Variants in TTYH1 observed in about 807,000 individuals in gnomAD.
TTYH1 encodes tweety family member 1, also known as protein tweety homolog 1.
TTYH1 carries 33 observed loss-of-function variants against 61.2 expected under a neutral mutation model. That is an observed-to-expected ratio of 0.54 (90% CI 0.41 to 0.72). The LOEUF is 0.72. TTYH1 is among the 30% of genes least tolerant of loss of function. The pLI, the probability that TTYH1 is intolerant of heterozygous loss-of-function variation, is 0.00. For missense variants in TTYH1, 538 were observed against 575.8 expected, an observed-to-expected ratio of 0.93 and a Z score of 0.67; for synonymous variants, 308 against 266.4, an observed-to-expected ratio of 1.16 and a Z score of -1.52.
At position 54,435,831 on chromosome 19, in the gene TTYH1, C is replaced by T. The variant is rs144036123; in HGVS notation, c.1272C>T (p.Asp424=). The T allele has an allele frequency of 8.7e-5, 141 of 1,613,928 alleles. No individual in the cohort carries two copies. The highest frequency in any genetic ancestry group is 1.9e-4 in the African/African-American group (14 of 74,902). The change falls in exon 12 of 14, where the codon GAC becomes GAT. Residue 424 remains aspartate, a synonymous_variant. Coordinates refer to ENST00000376530, the MANE Select transcript of TTYH1 (RefSeq NM_020659.4). ...PRAWALFPPS[D]DYDDTDDDDP... ...CATGCCCCGCATCAAACCCCAGTGA[C>T]GACTACGATGACACAGACGATGACG...
At chr19:54,435,974 G>T (rs1569270891) in intron 12 of TTYH1, 101 bp downstream of exon 12, 5 of 1,576,472 alleles carry the variant, frequency 3.2e-6, no homozygotes, top group Middle Eastern at 3.3e-4. Flanking sequence ...GTCTGAGGGA[G>T]GAGGGGCTGG....
chr19:54,435,239 G>T (rs902304305), intron 10 of TTYH1: 4 of 365,604 alleles, frequency 1.1e-5, no homozygotes, highest in African/African-American at 8.3e-5. Flanking sequence ...GTGGGGTGCT[G>T]ACTGGGGAGG....
chr19:54,435,780 G>A, intron 11 of TTYH1, 48 bp from the exon 12 acceptor site: 2 of 1,613,458 alleles, frequency 1.2e-6, no homozygotes, highest in South Asian at 1.1e-5. Context: ...GCAGCCTCCT[G>A]ATGGGTCCCC....
In TTYH1 at chr19:54,436,469, G is replaced by C; in HGVS notation, c.*179G>C. On this transcript the variant is annotated 3_prime_UTR_variant, in exon 14 of 14. Coordinates refer to ENST00000376530, the MANE Select transcript of TTYH1 (RefSeq NM_020659.4). The surrounding 1 kb of genome is among the most constrained non-coding windows in gnomAD (Gnocchi z 4.3). ...CACTGTGCTCCCATTTCTGTCCTTG[G>C]CCTTGGGAGTAGCTGAGGGGGCAGA... 1 of 1,412,192 alleles carries C rather than the reference G, an allele frequency of 7.1e-7. No homozygotes were observed. Among genetic ancestry groups the C allele is most frequent in the Non-Finnish European group, 1.0e-6 (1 of 1,001,894 alleles). The allele number at this position is 1,412,192 out of a possible 1,614,324, so 87.5% of individuals were successfully genotyped here. A position where few individuals can be genotyped will look rare whatever the true frequency, so the allele number is the denominator to read the frequency against.
chr19:54,429,261 C>T lies in TTYH1; in HGVS notation c.735-46C>T, dbSNP rs1396161534. The stretch of plus-strand genomic sequence containing the variant: ...ATTTGGGGTGTGGAAAGAGGCTAGG[C>T]TAGGAGATTAAGAACCCCGGGCTGA... On this transcript the variant is annotated intron_variant, in intron 5 of 13. Coordinates refer to ENST00000376530, the MANE Select transcript of TTYH1 (RefSeq NM_020659.4). The surrounding 1 kb of genome is among the most constrained non-coding windows in gnomAD (Gnocchi z 5.1). 1 of 1,573,988 alleles carries T rather than the reference C, an allele frequency of 6.4e-7. No homozygotes were observed. Among genetic ancestry groups the T allele is most frequent in the Non-Finnish European group, 8.7e-7 (1 of 1,143,742 alleles).
intron 5 of TTYH1, among the ~76,000 whole-genome samples, chr19:54,427,211 C>T (rs1341545193): frequency 4.5e-5 from 6 of 132,440 alleles, no homozygotes; most frequent in Non-Finnish European, 6.1e-5. Context: ...GCAGGAGAAT[C>T]GCTTGAACTC....
chr19:54,426,117 T>C (rs1251440295), intron 4 of TTYH1, among the ~76,000 whole-genome samples: 1 of 152,216 alleles, frequency 6.6e-6, no homozygotes, highest in South Asian at 2.1e-4. Flanking sequence ...CTTCTAGTCA[T>C]GCAGCCCACT....
chr19:54,426,872 G>A (rs541745938), intron 5 of TTYH1, 104 bp downstream of exon 5: 13 of 1,017,472 alleles, frequency 1.3e-5, no homozygotes, highest in African/African-American at 3.2e-5. Flanking sequence ...GGTCCTTCAC[G>A]GCCGGGTACA....
rs758061832 is a variant in TTYH1, at chr19:54,426,783, T to A, written c.734+15T>A. 6.2e-7 allele frequency: 1 copy of A among 1,610,942 alleles called. No homozygotes were observed. Among genetic ancestry groups the A allele is most frequent in the Non-Finnish European group, 8.5e-7 (1 of 1,178,398 alleles). ...CTGGTGATCGTGTAAGTGCAGGCAGTAGGGGGACCCAGTGCTTGCCTGGCA... is the reference window on the plus strand; with the variant it reads ...CTGGTGATCGTGTAAGTGCAGGCAGAAGGGGGACCCAGTGCTTGCCTGGCA... On this transcript the variant is annotated intron_variant, in intron 5 of 13. Coordinates refer to ENST00000376530, the MANE Select transcript of TTYH1 (RefSeq NM_020659.4).
intron 5 of TTYH1, among the ~76,000 whole-genome samples, chr19:54,427,172 C>G (rs1023762882): frequency 2.0e-5 from 3 of 151,544 alleles, no homozygotes; most frequent in African/African-American, 7.3e-5. Context: ...TGGCATGCGC[C>G]TGTAGTCCCA....
At chr19:54,430,513 G>A (rs2083414455) in intron 7 of TTYH1, 37 bp from the exon 8 acceptor site, 1 of 1,611,188 alleles carries the variant, frequency 6.2e-7, no homozygotes. Context: ...GGGGGCCCAG[G>A]CTCATGGCCT....
rs755227051 is a variant in TTYH1, at chr19:54,435,595, C to T, written c.1179C>T (p.Leu393=). ...GLCEDALEGL[L]FLLLFSLLSA... ...GCGAAGACGCCCTGGAAGGCCTGCT[C>T]TTCCTGCTACTCTTCTCCCTGCTGT... The change falls in exon 11 of 14, where the codon CTC becomes CTT. Residue 393 remains leucine (L), a synonymous_variant. Coordinates refer to ENST00000376530, the MANE Select transcript of TTYH1 (RefSeq NM_020659.4). 55 of 1,611,334 alleles carry T rather than the reference C, an allele frequency of 3.4e-5. No homozygotes were observed. Among genetic ancestry groups the T allele is most frequent in the Non-Finnish European group, 4.5e-5 (53 of 1,179,680 alleles).
chr19:54,416,193 G>C lies in TTYH1; in HGVS notation c.126+515G>C. The stretch of plus-strand genomic sequence containing the variant: ...CTGAAATGGGGAAGGGGGCTTCAGG[G>C]GCTGAGGACCAGGGCTGGAAAATGA... On this transcript the variant is annotated intron_variant, in intron 1 of 13. Coordinates refer to ENST00000376530, the MANE Select transcript of TTYH1 (RefSeq NM_020659.4). The surrounding 1 kb of genome is among the most constrained non-coding windows in gnomAD (Gnocchi z 7.0). 1 of 659,202 alleles carries C rather than the reference G, an allele frequency of 1.5e-6. No homozygotes were observed. The highest frequency in any genetic ancestry group is 1.6e-5 in the South Asian group (1 of 63,748). The allele number at this position is 659,202 out of a possible 1,614,324, so 40.8% of individuals were successfully genotyped here. A position where few individuals can be genotyped will look rare whatever the true frequency, so the allele number is the denominator to read the frequency against.
Position 54,435,656 on chromosome 19 carries a change from CCCCGAGCCTGG to C in TTYH1, c.1241_1251del (p.Pro414ArgfsTer7), listed in dbSNP as rs1569270351. ...GCTGGCCACTGCCCTCTGCAGCCTG[CCCCGAGCCTGG>C]GCCCTCTTCCCACCCAGGTCAGGAG... On this transcript the variant is annotated frameshift_variant, in exon 11 of 14. Coordinates refer to ENST00000376530, the MANE Select transcript of TTYH1 (RefSeq NM_020659.4). LOFTEE classifies it high-confidence loss of function. 9.3e-6 allele frequency: 15 copies of C among 1,610,800 alleles called. No individual in the cohort carries two copies. The highest frequency in any genetic ancestry group is 1.3e-5 in the Non-Finnish European group (15 of 1,178,802).
At chr19:54,435,472 CTGA>C in intron 10 of TTYH1, 67 bp from the exon 11 acceptor site, 1 of 1,506,582 alleles carries the variant, frequency 6.6e-7, no homozygotes, top group South Asian at 1.3e-5. Context: ...GACGGTCAGA[CTGA>C]TGTGCACAGT....
intron 10 of TTYH1, chr19:54,435,200 T>C (rs1284746061): frequency 3.7e-6 from 1 of 266,764 alleles, no homozygotes; most frequent in African/African-American, 2.2e-5. Context: ...GGCCCAGGGC[T>C]GGTGGGAGAT....
At chr19:54,418,352 C>T (rs924440296) in intron 1 of TTYH1, 1 of 152,426 alleles carries the variant, frequency 6.6e-6, no homozygotes, top group Non-Finnish European at 1.5e-5. Flanking sequence ...TGTTCTCACG[C>T]TCTCTCTCCC....
rs2083556216 is a variant in TTYH1 at position 54,436,521 on chromosome 19, G to A, written c.*231G>A. Reference sequence around the variant, plus strand: ...TAGGGAGTAGGGCTGGCAGGGGAGGGGGCAGACAGCCTCGCCTCGCACCCT... The same window carrying A: ...TAGGGAGTAGGGCTGGCAGGGGAGGAGGCAGACAGCCTCGCCTCGCACCCT... On this transcript the variant is annotated 3_prime_UTR_variant, in exon 14 of 14. Coordinates refer to ENST00000376530, the MANE Select transcript of TTYH1 (RefSeq NM_020659.4). This position sits in a 1 kb window ranked among gnomAD's most constrained non-coding sequence, Gnocchi z 4.3. 2.4e-6 allele frequency: 2 copies of A among 837,546 alleles called. No individual in the cohort carries two copies. The highest frequency in any genetic ancestry group is 2.6e-5 in the East Asian group (1 of 38,008). 51.9% of individuals were successfully genotyped at this position (837,546 alleles called of 1,614,324 possible).
In TTYH1 at chr19:54,429,356, G is replaced by A. The variant is rs779221036; in HGVS notation, c.784G>A (p.Gly262Ser). Residue 262 changes from glycine (G) to serine (S), a missense_variant, in exon 6 of 14, where the codon GGC (glycine) becomes AGC (serine). Gly to Ser is a moderately conservative substitution (Grantham distance 56, BLOSUM62 0). Coordinates refer to ENST00000376530, the MANE Select transcript of TTYH1 (RefSeq NM_020659.4). This position sits in a 1 kb window ranked among gnomAD's most constrained non-coding sequence, Gnocchi z 5.1. ...TCTCGTCCTGAGCTGGGGCTCCATGGGCCTGGAGGCAGCCACGGCCGTGGT... is the reference window on the plus strand; with the variant it reads ...TCTCGTCCTGAGCTGGGGCTCCATGAGCCTGGAGGCAGCCACGGCCGTGGT... ...LVLVLSWGSM[G>S]LEAATAVGLS... 6.2e-7 allele frequency: 1 copy of A among 1,614,026 alleles called. No homozygotes were observed. Among genetic ancestry groups the A allele is most frequent in the Admixed American group, 1.7e-5 (1 of 60,006 alleles).
Sources: allele counts gnomAD v4.1 joint callset (sites outside exome capture counted in the v4.1 genomes callset), GRCh38; gene constraint gnomAD v4.1.1; non-coding constraint Gnocchi (gnomAD v3.1); transcripts MANE v1.5; gene names NCBI Gene and HGNC (gene_info 2026-07-23, HGNC 2026-07-21).